The following ZDHHC19 variants were observed in gnomAD, a reference collection of about 807,000 sequenced individuals.
The protein encoded by ZDHHC19 is palmitoyltransferase ZDHHC19.
In ZDHHC19, 30 loss-of-function variants were observed where a neutral mutation model predicts 33.9. The ratio of observed to expected loss-of-function variants is 0.88; its 90% CI spans 0.66 to 1.20. ZDHHC19 has a LOEUF of 1.20. ZDHHC19 is among the 50% of genes most tolerant of loss of function. The pLI, the probability that ZDHHC19 is intolerant of heterozygous loss-of-function variation, is 0.00. For missense variants in ZDHHC19, 364 were observed against 401.1 expected, an observed-to-expected ratio of 0.91 and a Z score of 0.79; for synonymous variants, 178 against 167.6, an observed-to-expected ratio of 1.06 and a Z score of -0.48.
chr3:196,208,007 G>A (rs1722912668), intron 4 of ZDHHC19, among the ~76,000 whole-genome samples: 1 of 150,762 alleles, frequency 6.6e-6, no homozygotes, highest in Admixed American at 6.6e-5. Flanking sequence ...CGGTTCAAGC[G>A]GTCCTACCAC....
At chr3:196,208,287 G>A (rs930765463) in intron 4 of ZDHHC19, 101 bp downstream of exon 4, 2 of 951,302 alleles carry the variant, frequency 2.1e-6, no homozygotes, top group African/African-American at 3.6e-5. Context: ...GGTCCTCCCA[G>A]GCGGCTTCTC....
intron 3 of ZDHHC19, chr3:196,208,895 G>A (rs1008483022): frequency 8.8e-6 from 3 of 341,514 alleles, no homozygotes; most frequent in African/African-American, 2.1e-5. Context: ...CGATGAAGAT[G>A]ACAGTAACAG....
Position 196,200,387 on chromosome 3 carries a change from C to G in ZDHHC19, c.688-1513G>C, listed in dbSNP as rs1340384729. On this transcript the variant is annotated intron_variant, in intron 5 of 7. Transcript: ENST00000296326. ...TTTTTTTTTTTGAGATGGAGTCTTGCTCTGTCACCCAGGCTGGAGTGCAGT... is the reference window on the plus strand; with the variant it reads ...TTTTTTTTTTTGAGATGGAGTCTTGGTCTGTCACCCAGGCTGGAGTGCAGT... 4.3e-5 allele frequency among the ~76,000 whole-genome samples: 6 copies of G among 138,222 alleles called. No individual in the cohort carries two copies. In the South Asian group the frequency reaches 1.3e-3, roughly 31 times the overall value. 90.7% of individuals were successfully genotyped at this position (138,222 alleles called of 152,430 possible). A position where few individuals can be genotyped will look rare whatever the true frequency, so the allele number is the denominator to read the frequency against.
rs369073564 is a variant in ZDHHC19, at chr3:196,211,190, A to G, written c.126T>C (p.Ser42=). ...CTCACGGGAATGCGAAGAAGAGGCC[A>G]CTGAAAAAGACCAGCAGCACCACAT... is the stretch of plus-strand genomic sequence containing the variant. The part of the protein sequence containing the change: ...AFNVVLLVFF[S]GLFFAFPCRW... The change falls in exon 1 of 8, where the codon AGT becomes AGC. Residue 42 remains serine, a synonymous_variant. Coordinates refer to ENST00000296326, the MANE Select transcript of ZDHHC19 (RefSeq NM_001039617.2). 1 of 1,614,184 alleles carries G rather than the reference A, an allele frequency of 6.2e-7. No homozygotes were observed. Among genetic ancestry groups the G allele is most frequent in the Non-Finnish European group, 8.5e-7 (1 of 1,180,034 alleles).
intron 5 of ZDHHC19, among the ~76,000 whole-genome samples, chr3:196,200,007 G>C (rs1478947141): frequency 1.3e-5 from 2 of 151,782 alleles, no homozygotes; most frequent in African/African-American, 4.8e-5. Flanking sequence ...TATGGAATTT[G>C]GGCCAGGCAT....
At chr3:196,198,508 G>A in intron 6 of ZDHHC19, 57 bp from the exon 7 acceptor site, 3 of 1,591,202 alleles carry the variant, frequency 1.9e-6, no homozygotes, top group Non-Finnish European at 2.6e-6. Flanking sequence ...CGGCTCCCCT[G>A]CCCGCCTCAG....
rs1244467561 is a variant in ZDHHC19 at position 196,210,597 on chromosome 3, C to T, written c.268+19G>A. ...GCCCTTGAGTGACACCTCCTTTTCC[C>T]AGGGGGCTGATGCCTCACCTTGATG... On this transcript the variant is annotated intron_variant, in intron 2 of 7. Coordinates refer to ENST00000296326, the MANE Select transcript of ZDHHC19 (RefSeq NM_001039617.2). The T allele has an allele frequency of 6.2e-7, 1 of 1,613,678 alleles. No homozygotes were observed. Among genetic ancestry groups the T allele is most frequent in the African/African-American group, 1.3e-5 (1 of 74,896 alleles).
chr3:196,200,187 A>T (rs920182629), intron 5 of ZDHHC19, among the ~76,000 whole-genome samples: 33 of 150,680 alleles, frequency 2.2e-4, no homozygotes, highest in African/African-American at 6.4e-4. Flanking sequence ...GGATGAGAGG[A>T]TCCCTTGAGC....
intron 2 of ZDHHC19, among the ~76,000 whole-genome samples, chr3:196,209,902 C>T (rs958776204): frequency 2.0e-5 from 3 of 152,130 alleles, no homozygotes; most frequent in African/African-American, 4.8e-5. Context: ...GCTTAAGAAA[C>T]GGGGTAGGGC....
intron 5 of ZDHHC19, among the ~76,000 whole-genome samples, chr3:196,202,840 G>A (rs1243238872): frequency 6.6e-6 from 1 of 152,212 alleles, no homozygotes; most frequent in Non-Finnish European, 1.5e-5. Context: ...GAGCACTGCC[G>A]GCCCTGTCAG....
intron 4 of ZDHHC19, 26 bp downstream of exon 4, chr3:196,208,362 T>G (rs1373810509): frequency 1.9e-6 from 3 of 1,546,634 alleles, no homozygotes; most frequent in Non-Finnish European, 2.6e-6. Flanking sequence ...CCGCCTCCTC[T>G]CCTGCTTCCC....
rs568075833 is a variant in ZDHHC19 at position 196,201,955 on chromosome 3, C to T, written c.688-3081G>A. Among the ~76,000 whole-genome samples, 8 of 152,240 alleles carry T rather than the reference C, an allele frequency of 5.3e-5. No homozygotes were observed. In the East Asian group the frequency reaches 1.4e-3, roughly 26 times the overall value. On this transcript the variant is annotated intron_variant, in intron 5 of 7. Transcript: ENST00000296326. ...TCTCTCTCTTTTTGTCTTTTCGTCC[C>T]TCCCAAAGTGCTATGGATTCCTTTG...
chr3:196,201,745 C>T (rs917528856), intron 5 of ZDHHC19, among the ~76,000 whole-genome samples: 1 of 151,828 alleles, frequency 6.6e-6, no homozygotes, highest in Non-Finnish European at 1.5e-5. Context: ...GAAAAAGAAA[C>T]CAACAGCTCT....
intron 3 of ZDHHC19, chr3:196,209,009 C>CATTG: frequency 3.4e-6 from 1 of 291,170 alleles, no homozygotes; most frequent in East Asian, 6.9e-5. Context: ...ACTTGGACAC[C>CATTG]CAGGCGAGGA....
chr3:196,206,682 T>TTC (rs1446475477), intron 5 of ZDHHC19, among the ~76,000 whole-genome samples: 951 of 24,350 alleles, frequency 0.039, 7 homozygotes, highest in African/African-American at 0.14. Flanking sequence ...TTCTTTTCTT[T>TTC]TTTTTTTTTT....
Position 196,197,984 on chromosome 3 carries a change from C to T in ZDHHC19, c.*20-259G>A, listed in dbSNP as rs370579688. Among the ~76,000 whole-genome samples, 5 of 152,288 alleles carry T rather than the reference C, an allele frequency of 3.3e-5. No homozygotes were observed. In the East Asian group the frequency reaches 5.8e-4, roughly 18 times the overall value. ...CACCCCCTGGCCAAATTATAAACCA[C>T]GAGACTCATCTCAGTCCTGCGAGTA... On this transcript the variant is annotated intron_variant, in intron 7 of 7. Transcript: ENST00000296326. The surrounding 1 kb of genome is among the most constrained non-coding windows in gnomAD (Gnocchi z 4.4).
intron 4 of ZDHHC19, 141 bp from the exon 5 acceptor site, chr3:196,207,644 G>A (rs1243367685): frequency 3.1e-5 from 1 of 32,536 alleles, no homozygotes; most frequent in African/African-American, 5.4e-4. Context: ...CCCGCCCCTG[G>A]CCCCGCCCCC....
At position 196,198,300 on chromosome 3, in the gene ZDHHC19, A is replaced by C; in HGVS notation, c.925T>G (p.Trp309Gly). Residue 309 changes from tryptophan to glycine, a missense_variant, in exon 7 of 8, where the codon TGG (tryptophan) becomes GGG (glycine). By Grantham distance (184) the Trp-to-Gly change is radical (BLOSUM62 -2). Transcript: ENST00000296326. ...LQSREGTPGA[W>G] ...CCTCCTGGAGAGCTGCAGCCTCACC[A>C]CGCCCCGGGGGTCCCTTCCCTGCTT... 1 of 1,502,396 alleles carries C rather than the reference A, an allele frequency of 6.7e-7. No homozygotes were observed. Among genetic ancestry groups the C allele is most frequent in the South Asian group, 1.4e-5 (1 of 72,410 alleles). The allele number at this position is 1,502,396 out of a possible 1,614,324, so 93.1% of individuals were successfully genotyped here. A position where few individuals can be genotyped will look rare whatever the true frequency, so the allele number is the denominator to read the frequency against.
In ZDHHC19 at chr3:196,211,390, A is replaced by C; in HGVS notation, c.-75T>G. Reference sequence around the variant, plus strand: ...CCCCCAGCCCAGCTTCCAGAGCTCCATGGCCACGGCAGCCTCAGAGCCGCA... The same window carrying C: ...CCCCCAGCCCAGCTTCCAGAGCTCCCTGGCCACGGCAGCCTCAGAGCCGCA... On this transcript the variant is annotated 5_prime_UTR_variant, in exon 1 of 8. It removes an upstream start codon present in the reference 5' UTR. Transcript: ENST00000296326. The C allele has an allele frequency of 9.9e-6, 15 of 1,511,770 alleles. No homozygotes were observed. The highest frequency in any genetic ancestry group is 1.3e-5 in the South Asian group (1 of 75,840). 93.6% of individuals were successfully genotyped at this position (1,511,770 alleles called of 1,614,324 possible). A position where few individuals can be genotyped will look rare whatever the true frequency, so the allele number is the denominator to read the frequency against.
Sources: allele counts gnomAD v4.1 joint callset (sites outside exome capture counted in the v4.1 genomes callset), GRCh38; gene constraint gnomAD v4.1.1; non-coding constraint Gnocchi (gnomAD v3.1); transcripts MANE v1.5; gene names NCBI Gene and HGNC (gene_info 2026-07-23, HGNC 2026-07-21).